Variants in EIF4B observed in about 807,000 individuals in gnomAD.
EIF4B encodes eukaryotic translation initiation factor 4B.
In EIF4B, 8 loss-of-function variants were observed where a neutral mutation model predicts 79.3. The ratio of observed to expected loss-of-function variants is 0.10; its 90% CI spans 0.06 to 0.18. The LOEUF (loss-of-function observed/expected upper bound fraction) is 0.18. EIF4B is among the 10% of genes least tolerant of loss of function. The probability of loss-of-function intolerance (pLI) is 1.00; values close to 1 mark genes in which losing one functional copy is unlikely to be tolerated. For synonymous variants in EIF4B, 238 were observed against 274.7 expected, an observed-to-expected ratio of 0.87 and a Z score of 1.32; for missense variants, 515 against 792.4, an observed-to-expected ratio of 0.65 and a Z score of 4.20.
chr12:53,030,394 G>A (rs1157256110), intron 8 of EIF4B, among the ~76,000 whole-genome samples: 1 of 87,706 alleles, frequency 1.1e-5, no homozygotes, highest in Non-Finnish European at 3.0e-5. Flanking sequence ...ATAGGAAATA[G>A]GTTTTAAAAA....
Position 53,042,181 on chromosome 12 carries a change from C to A in EIF4B, c.*1958C>A, listed in dbSNP as rs1302256096. 6.6e-6 allele frequency: 1 copy of A among 152,460 alleles called. No homozygotes were observed. The highest frequency in any genetic ancestry group is 1.5e-5 in the Non-Finnish European group (1 of 68,014). 9.4% of individuals were successfully genotyped at this position (152,460 alleles called of 1,614,324 possible). ...CTTTGGGTTGTGGGTTTTTTGTTTT[C>A]TCCAAATAAATCTGATCTTTAAAGT... is the stretch of plus-strand genomic sequence containing the variant. On this transcript the variant is annotated 3_prime_UTR_variant, in exon 15 of 15. Transcript: ENST00000262056.
chr12:53,036,800 C>T (rs1943548548), intron 10 of EIF4B, among the ~76,000 whole-genome samples: 1 of 152,128 alleles, frequency 6.6e-6, no homozygotes, highest in Non-Finnish European at 1.5e-5. Context: ...GATCACAGCT[C>T]ACCTCATCAT....
chr12:53,029,120 CAAAA>C (rs35596570), intron 8 of EIF4B, among the ~76,000 whole-genome samples: 1 of 145,072 alleles, frequency 6.9e-6, no homozygotes, highest in African/African-American at 2.6e-5. Flanking sequence ...GAGACTGTCT[CAAAA>C]AAAAAAAAGG....
intron 1 of EIF4B, among the ~76,000 whole-genome samples, chr12:53,008,182 C>G (rs1250818677): frequency 6.6e-6 from 1 of 152,136 alleles, no homozygotes; most frequent in Non-Finnish European, 1.5e-5. Context: ...TCTGTGTTTT[C>G]TTAACTTTTG....
At chr12:53,038,830 T>G in intron 12 of EIF4B, 1 of 168,652 alleles carries the variant, frequency 5.9e-6, no homozygotes, top group Non-Finnish European at 1.3e-5. Context: ...AAAAAAAGAA[T>G]TATTGGGTTA....
At chr12:53,039,177 T>G in intron 12 of EIF4B, 61 bp from the exon 13 acceptor site, 1 of 1,235,142 alleles carries the variant, frequency 8.1e-7, no homozygotes, top group Non-Finnish European at 1.2e-6. Flanking sequence ...AGGGAAATCT[T>G]AGGAGAGGGA....
At position 53,041,877 on chromosome 12, in the gene EIF4B, GTTT is replaced by G; in HGVS notation, c.*1657_*1659del. 1 of 152,310 alleles carries G rather than the reference GTTT, an allele frequency of 6.6e-6. No homozygotes were observed. The highest frequency in any genetic ancestry group is 6.5e-5 in the Admixed American group (1 of 15,282). The allele number at this position is 152,310 out of a possible 1,614,324, so 9.4% of individuals were successfully genotyped here. On this transcript the variant is annotated 3_prime_UTR_variant, in exon 15 of 15. Transcript: ENST00000262056. ...TTAAAGAGTATTGAAGATTGAAAGG[GTTT>G]TTCTTTCTTTTTTAAAAAAGAAAAA...
chr12:53,036,279 A>C (rs1592228457), intron 10 of EIF4B, among the ~76,000 whole-genome samples: 2 of 151,704 alleles, frequency 1.3e-5, no homozygotes, highest in African/African-American at 4.8e-5. Context: ...GGCCTGGCTA[A>C]TTTTTTGTAT....
In EIF4B at chr12:53,028,101, T is replaced by A. The variant is rs1943371391; in HGVS notation, c.892T>A (p.Tyr298Asn). 1 of 1,613,914 alleles carries A rather than the reference T, an allele frequency of 6.2e-7. No homozygotes were observed. Among genetic ancestry groups the A allele is most frequent in the Non-Finnish European group, 8.5e-7 (1 of 1,179,978 alleles). ...TGACTACAGAGGAGGCGGGGACCGC[T>A]ATGAAGACCGATATGACAGACGGGA... Reference protein sequence around the residue: ...DDDYRGGGDRYEDRYDRRDDR... With the variant: ...DDDYRGGGDRNEDRYDRRDDR... Residue 298 changes from tyrosine to asparagine, a missense_variant, in exon 8 of 15, where the codon TAT becomes AAT. Tyr to Asn is a moderately radical substitution (Grantham distance 143, BLOSUM62 -2). Transcript: ENST00000262056.
chr12:53,010,810 T>G (rs775826755), intron 1 of EIF4B, among the ~76,000 whole-genome samples: 2 of 152,064 alleles, frequency 1.3e-5, no homozygotes, highest in Non-Finnish European at 2.9e-5. Context: ...CGACCTCAGG[T>G]GATCTTCCCA....
In EIF4B at chr12:53,033,810, C is replaced by T; in HGVS notation, c.984C>T (p.Pro328=). ...TTAAAGTTTCATTTAACTTAGGTCC[C>T]CCCCAAAGACCCAAACTGAATCTAA... is the stretch of plus-strand genomic sequence containing the variant. ...RDDYRRDDRG[P]PQRPKLNLKP... The change falls in exon 9 of 15, where the codon CCC becomes CCT. Residue 328 remains proline (P), a synonymous_variant. Coordinates refer to ENST00000262056, the MANE Select transcript of EIF4B (RefSeq NM_001417.7). 1.3e-6 allele frequency: 2 copies of T among 1,586,702 alleles called. No individual in the cohort carries two copies. Among genetic ancestry groups the T allele is most frequent in the Non-Finnish European group, 1.7e-6 (2 of 1,167,892 alleles).
intron 11 of EIF4B, chr12:53,037,930 A>G: frequency 2.7e-6 from 1 of 371,148 alleles, no homozygotes; most frequent in South Asian, 3.4e-5. Context: ...ACTTCCTTTC[A>G]TTTCTCTTAA....
At chr12:53,031,375 C>G (rs1407454040) in intron 8 of EIF4B, among the ~76,000 whole-genome samples, 1 of 152,180 alleles carries the variant, frequency 6.6e-6, no homozygotes, top group Non-Finnish European at 1.5e-5. Flanking sequence ...CTTCTGAGCT[C>G]AAGTGATCCT....
intron 11 of EIF4B, 55 bp downstream of exon 11, chr12:53,037,677 T>G: frequency 6.3e-7 from 1 of 1,579,332 alleles, no homozygotes; most frequent in Non-Finnish European, 8.7e-7. Context: ...AATACTGTGA[T>G]GTAATGATGG....
intron 6 of EIF4B, 139 bp downstream of exon 6, chr12:53,022,766 C>T (rs1943267632): frequency 9.4e-7 from 1 of 1,068,742 alleles, no homozygotes; most frequent in Non-Finnish European, 1.3e-6. Flanking sequence ...TGGATAGTAT[C>T]TGAAAGAACT....
At chr12:53,029,463 C>T (rs1019553000) in intron 8 of EIF4B, among the ~76,000 whole-genome samples, 4 of 149,782 alleles carry the variant, frequency 2.7e-5, no homozygotes, top group African/African-American at 4.9e-5. Context: ...GCAACCTTTG[C>T]GTCCTAGGTT....
intron 1 of EIF4B, among the ~76,000 whole-genome samples, chr12:53,010,924 G>A (rs1943053883): frequency 6.6e-6 from 1 of 152,110 alleles, no homozygotes; most frequent in Admixed American, 6.5e-5. Context: ...TTTAGTAACA[G>A]CTTTATTCAA....
intron 10 of EIF4B, 117 bp downstream of exon 10, chr12:53,034,826 G>T (rs1943510193): frequency 1.1e-5 from 13 of 1,133,672 alleles, no homozygotes; most frequent in Non-Finnish European, 1.3e-5. Context: ...TATTTGGGTT[G>T]CATGGGCCGA....
chr12:53,031,001 C>T (rs1316836512), intron 8 of EIF4B, among the ~76,000 whole-genome samples: 1 of 152,054 alleles, frequency 6.6e-6, no homozygotes, highest in East Asian at 1.9e-4. Context: ...GCTCTTACCC[C>T]CCCATTCCCT....
Sources: allele counts gnomAD v4.1 joint callset (sites outside exome capture counted in the v4.1 genomes callset), GRCh38; gene constraint gnomAD v4.1.1; transcripts MANE v1.5; gene names NCBI Gene and HGNC (gene_info 2026-07-23, HGNC 2026-07-21).